LSM14A: variants seen among roughly 807,000 people sequenced by gnomAD.
LSM14A encodes protein LSM14 homolog A.
In LSM14A, 14 loss-of-function variants were observed where a neutral mutation model predicts 52.4. The observed-to-expected ratio is 0.27, with a 90% CI of 0.18 to 0.42. The LOEUF is 0.42. Among genes scored for constraint, LSM14A ranks in the 10% least tolerant of loss-of-function variants. The pLI is 1.00. For missense variants in LSM14A, 417 were observed against 581.8 expected, an observed-to-expected ratio of 0.72 and a Z score of 2.91; for synonymous variants, 185 against 200.3, an observed-to-expected ratio of 0.92 and a Z score of 0.64.
chr19:34,188,831 A>G (rs527960508), intron 1 of LSM14A, among the ~76,000 whole-genome samples: 10 of 151,160 alleles, frequency 6.6e-5, no homozygotes, highest in African/African-American at 2.4e-4. Flanking sequence ...GTATTTTTAA[A>G]TATATATATC....
At chr19:34,221,027 G>A (rs2073021823) in intron 8 of LSM14A, among the ~76,000 whole-genome samples, 1 of 151,664 alleles carries the variant, frequency 6.6e-6, no homozygotes, top group African/African-American at 2.4e-5. Flanking sequence ...GAATATTACA[G>A]GAACATATTG....
intron 9 of LSM14A, chr19:34,226,375 CTTTTTTTT>C (rs528137318): frequency 7.5e-4 from 898 of 1,195,706 alleles, no homozygotes; most frequent in Middle Eastern, 2.3e-3. Flanking sequence ...ATCTCTTTCT[CTTTTTTTT>C]TTTTTTTTTT....
intron 1 of LSM14A, among the ~76,000 whole-genome samples, chr19:34,182,185 A>G (rs946640305): frequency 2.6e-5 from 4 of 152,032 alleles, no homozygotes; most frequent in Admixed American, 6.6e-5. Flanking sequence ...CCTCCTCCCA[A>G]TTTTACTTGA....
In LSM14A at chr19:34,173,221, A is replaced by G. The variant is rs557545469; in HGVS notation, c.121+458A>G. Among the ~76,000 whole-genome samples, 4 of 152,084 alleles carry G rather than the reference A, an allele frequency of 2.6e-5. No homozygotes were observed. In the East Asian group the frequency reaches 7.7e-4, roughly 29 times the overall value. ...ATTCGTGGCGATCTTCCTCTGGTGAACTCTTGAGTAATGTGCTAAAACTTT... is the reference window on the plus strand; with the variant it reads ...ATTCGTGGCGATCTTCCTCTGGTGAGCTCTTGAGTAATGTGCTAAAACTTT... On this transcript the variant is annotated intron_variant, in intron 1 of 9. Transcript: ENST00000544216.
intron 6 of LSM14A, among the ~76,000 whole-genome samples, chr19:34,216,823 C>T (rs1432132381): frequency 6.6e-6 from 1 of 152,178 alleles, no homozygotes; most frequent in Admixed American, 6.5e-5. Flanking sequence ...TTTATATTTA[C>T]ATTTTCCTAT....
chr19:34,214,737 T>C (rs1054213292), intron 4 of LSM14A, among the ~76,000 whole-genome samples: 3 of 152,148 alleles, frequency 2.0e-5, no homozygotes, highest in Admixed American at 2.0e-4. Flanking sequence ...ATGGTTGTCA[T>C]TGGCGAAAGC....
intron 3 of LSM14A, among the ~76,000 whole-genome samples, chr19:34,200,966 A>T (rs1035724621): frequency 6.6e-6 from 1 of 152,212 alleles, no homozygotes; most frequent in East Asian, 1.9e-4. Context: ...ATGTTAAAAA[A>T]TTTGAACAGG....
chr19:34,196,874 G>T (rs1042426432), intron 3 of LSM14A, 111 bp downstream of exon 3: 1 of 942,598 alleles, frequency 1.1e-6, no homozygotes, highest in Non-Finnish European at 1.5e-6. Flanking sequence ...TGTTCCTTTT[G>T]TAACTTTGTT....
intron 9 of LSM14A, among the ~76,000 whole-genome samples, chr19:34,224,840 G>A (rs775770414): frequency 9.9e-5 from 15 of 152,158 alleles, no homozygotes; most frequent in Non-Finnish European, 2.1e-4. Context: ...GGTGCTGACC[G>A]ATGTAGGCCC....
At chr19:34,203,190 A>G (rs1435724651) in intron 3 of LSM14A, among the ~76,000 whole-genome samples, 1 of 147,148 alleles carries the variant, frequency 6.8e-6, no homozygotes. Flanking sequence ...AAGTAATTCT[A>G]TAGCAAGGAT....
chr19:34,214,181 T>C (rs921640932), intron 4 of LSM14A, among the ~76,000 whole-genome samples: 2 of 152,148 alleles, frequency 1.3e-5, no homozygotes, highest in Non-Finnish European at 2.9e-5. Context: ...TTTTGTTTGT[T>C]TTTTGGTTTT....
At chr19:34,179,907 A>T (rs2069354472) in intron 1 of LSM14A, among the ~76,000 whole-genome samples, 1 of 152,172 alleles carries the variant, frequency 6.6e-6, no homozygotes, top group South Asian at 2.1e-4. Context: ...TGTTTTAAAA[A>T]CTAGATACCA....
At chr19:34,199,475 C>T (rs1357224462) in intron 3 of LSM14A, among the ~76,000 whole-genome samples, 2 of 151,932 alleles carry the variant, frequency 1.3e-5, no homozygotes, top group African/African-American at 2.4e-5. Context: ...TAGGAAAGGG[C>T]AAATGAATAA....
intron 3 of LSM14A, among the ~76,000 whole-genome samples, chr19:34,203,251 C>G (rs949814129): frequency 6.6e-6 from 1 of 152,106 alleles, no homozygotes; most frequent in African/African-American, 2.4e-5. Context: ...TATATTTACT[C>G]CAGTTGATTG....
intron 6 of LSM14A, among the ~76,000 whole-genome samples, chr19:34,217,616 C>CTT (rs1568498306): frequency 1.2e-4 from 1 of 8,294 alleles, no homozygotes; most frequent in Non-Finnish European, 2.7e-4. Context: ...CCCCCCCCCC[C>CTT]GTGTTTTTTT....
chr19:34,207,770 C>G (rs527435978), intron 3 of LSM14A, among the ~76,000 whole-genome samples: 1 of 152,166 alleles, frequency 6.6e-6, no homozygotes. Context: ...ATCTCGTGAT[C>G]TGCCCACCTC....
At chr19:34,216,232 T>A (rs145662402) in intron 6 of LSM14A, among the ~76,000 whole-genome samples, 4,527 of 151,928 alleles carry the variant, frequency 0.03, 83 homozygotes, top group Non-Finnish European at 0.044. Flanking sequence ...GCTAACATGG[T>A]GAAACCCCGT....
chr19:34,196,823 G>A, intron 3 of LSM14A, 60 bp downstream of exon 3: 1 of 1,456,764 alleles, frequency 6.9e-7, no homozygotes. Flanking sequence ...TTACCACAAA[G>A]GTATAGAAAC....
chr19:34,191,933 GA>G (rs1218513018), intron 1 of LSM14A, among the ~76,000 whole-genome samples: 1 of 152,184 alleles, frequency 6.6e-6, no homozygotes, highest in Admixed American at 6.5e-5. Context: ...TTGGCCATCA[GA>G]GAAAGGGAGC....
Sources: gnomAD v4.1 joint callset for allele counts (sites outside exome capture counted in the v4.1 genomes callset) on GRCh38, gnomAD v4.1.1 for gene constraint, MANE v1.5 for transcripts, NCBI Gene and HGNC (gene_info 2026-07-23, HGNC 2026-07-21) for gene names.